Variants in OPCML observed in about 807,000 individuals in gnomAD.
OPCML encodes the protein opioid-binding protein/cell adhesion molecule.
In OPCML, 13 loss-of-function variants were observed where a neutral mutation model predicts 37.8. The observed-to-expected ratio is 0.34, with a 90% confidence interval of 0.22 to 0.55. The LOEUF is 0.55. Ranked by LOEUF, OPCML falls within the 20% of genes least tolerant of loss-of-function variation. The probability of loss-of-function intolerance (pLI) is 0.91; values close to 1 mark genes in which losing one functional copy is unlikely to be tolerated. For synonymous variants in OPCML, 176 were observed against 168.8 expected, an observed-to-expected ratio of 1.04 and a Z score of -0.33; for missense variants, 341 against 435.6, an observed-to-expected ratio of 0.78 and a Z score of 1.93.
intron 3 of OPCML, among the ~76,000 whole-genome samples, chr11:132,644,848 G>A (rs1451888293): frequency 1.3e-5 from 2 of 152,244 alleles, no homozygotes; most frequent in Non-Finnish European, 2.9e-5. Context: ...CTTGCCAGGA[G>A]GGAGGGCTTG....
chr11:133,026,211 G>A (rs566820264), intron 1 of OPCML: 41 of 691,112 alleles, frequency 5.9e-5, no homozygotes, highest in African/African-American at 3.9e-4. Context: ...TAAAGCTTTC[G>A]AGCCAGGTTA....
chr11:132,593,431 A>G (rs1252691247), intron 3 of OPCML, among the ~76,000 whole-genome samples: 2 of 152,238 alleles, frequency 1.3e-5, no homozygotes, highest in African/African-American at 2.4e-5. Context: ...AGGAGCGTCC[A>G]TTGTATTCCA....
At chr11:132,615,787 A>G (rs1051598590) in intron 3 of OPCML, among the ~76,000 whole-genome samples, 2 of 152,204 alleles carry the variant, frequency 1.3e-5, no homozygotes. Context: ...GCAGGAACTC[A>G]ATGAATGTAA....
chr11:132,518,830 G>C (rs1026181649), intron 4 of OPCML, among the ~76,000 whole-genome samples: 3 of 152,158 alleles, frequency 2.0e-5, no homozygotes, highest in African/African-American at 7.2e-5. Context: ...TGTTGCTAAA[G>C]GGAAAGCAAA....
At chr11:132,916,587 A>G (rs1281281772) in intron 2 of OPCML, among the ~76,000 whole-genome samples, 1 of 152,228 alleles carries the variant, frequency 6.6e-6, no homozygotes, top group Non-Finnish European at 1.5e-5. Context: ...CCATGAGGAT[A>G]TGAAAACTTG....
chr11:132,795,370 T>C (rs1591621860), intron 2 of OPCML, among the ~76,000 whole-genome samples: 1 of 152,342 alleles, frequency 6.6e-6, no homozygotes, highest in East Asian at 1.9e-4. Context: ...AAATACCATA[T>C]AATTTACCCA....
chr11:132,946,071 T>C (rs778235512), intron 1 of OPCML, among the ~76,000 whole-genome samples: 2 of 152,198 alleles, frequency 1.3e-5, no homozygotes, highest in Non-Finnish European at 2.9e-5. Flanking sequence ...TGTGAGCCAC[T>C]GCGCCCGGCC....
intron 1 of OPCML, among the ~76,000 whole-genome samples, chr11:133,080,761 T>C (rs1410030039): frequency 6.6e-6 from 1 of 152,192 alleles, no homozygotes. Flanking sequence ...AGGAGCTCAA[T>C]GGTTTTTATT....
intron 2 of OPCML, among the ~76,000 whole-genome samples, chr11:132,770,382 G>A (rs568324200): frequency 6.6e-6 from 1 of 152,200 alleles, no homozygotes; most frequent in African/African-American, 2.4e-5. Context: ...GGACAGAGGG[G>A]AGGAAGGGAG....
rs546594187 is a variant in OPCML, at chr11:132,698,222, C to G, written c.147-40903G>C. Reference sequence around the variant, plus strand: ...TTTAATTTTTTGAGGAACTTCCATACTGTTTCCACAATGGCTATACCAATT... The same window carrying G: ...TTTAATTTTTTGAGGAACTTCCATAGTGTTTCCACAATGGCTATACCAATT... On this transcript the variant is annotated intron_variant, in intron 2 of 7. Transcript: ENST00000524381. Among the ~76,000 whole-genome samples, 6 of 152,112 alleles carry G rather than the reference C, an allele frequency of 3.9e-5. No homozygotes were observed. In the South Asian group the frequency reaches 1.2e-3, roughly 32 times the overall value.
intron 1 of OPCML, among the ~76,000 whole-genome samples, chr11:133,389,847 A>G (rs1024832434): frequency 6.6e-6 from 1 of 152,196 alleles, no homozygotes; most frequent in Non-Finnish European, 1.5e-5. Context: ...TACAATAATA[A>G]CTACTACTAA....
chr11:132,947,942 G>A (rs187823921), intron 1 of OPCML, among the ~76,000 whole-genome samples: 2 of 152,290 alleles, frequency 1.3e-5, no homozygotes, highest in East Asian at 3.9e-4. Context: ...GCTCCAGTGA[G>A]CATTTCCTTT....
chr11:132,997,928 GT>G (rs1946917205), intron 1 of OPCML, among the ~76,000 whole-genome samples: 2 of 152,128 alleles, frequency 1.3e-5, no homozygotes, highest in Admixed American at 1.3e-4. Flanking sequence ...TAACTCGTTG[GT>G]TTTAGCCCTC....
chr11:133,500,695 C>A (rs1947892432), intron 1 of OPCML, among the ~76,000 whole-genome samples: 1 of 152,192 alleles, frequency 6.6e-6, no homozygotes. Flanking sequence ...TGCATCTAGC[C>A]AATTTCTGCT....
intron 1 of OPCML, among the ~76,000 whole-genome samples, chr11:133,388,848 T>C (rs1234039185): frequency 6.6e-6 from 1 of 152,218 alleles, no homozygotes; most frequent in African/African-American, 2.4e-5. Flanking sequence ...AAAAAGATAT[T>C]ACAAATTAAA....
At position 132,863,534 on chromosome 11, in the gene OPCML, C is replaced by A. The variant is rs559019689; in HGVS notation, c.146+79392G>T. On this transcript the variant is annotated intron_variant, in intron 2 of 7. Coordinates refer to ENST00000524381, the MANE Select transcript of OPCML (RefSeq NM_001012393.5). ...AGCCCTCCTGTCTCTCAGTCTTAAC[C>A]TCCCCTGAGGCTGGCGGCAGAATCC... is the stretch of plus-strand genomic sequence containing the variant. Among the ~76,000 whole-genome samples, 24 of 148,122 alleles carry A rather than the reference C, an allele frequency of 1.6e-4. No individual in the cohort carries two copies. In the South Asian group the frequency reaches 5.1e-3, roughly 32 times the overall value.
At chr11:132,986,241 T>A (rs1351774793) in intron 1 of OPCML, among the ~76,000 whole-genome samples, 2 of 152,216 alleles carry the variant, frequency 1.3e-5, no homozygotes, top group Non-Finnish European at 2.9e-5. Flanking sequence ...TACTCATCTA[T>A]CACTCTGACT....
intron 1 of OPCML, among the ~76,000 whole-genome samples, chr11:133,207,119 TAAAAAAAAA>T (rs71038525): frequency 1.0e-5 from 1 of 99,686 alleles, no homozygotes; most frequent in African/African-American, 4.0e-5. Flanking sequence ...AACCCTCTAC[TAAAAAAAAA>T]AAAAAAAAAA....
intron 1 of OPCML, among the ~76,000 whole-genome samples, chr11:133,440,762 T>TTATATATATA (rs58808691): frequency 2.9e-4 from 37 of 126,940 alleles, no homozygotes; most frequent in African/African-American, 1.3e-3. Context: ...CCTACAGCAA[T>TTATATATATA]TATATATATA....
Sources: allele counts gnomAD v4.1 joint callset (sites outside exome capture counted in the v4.1 genomes callset), GRCh38; gene constraint gnomAD v4.1.1; transcripts MANE v1.5; gene names NCBI Gene and HGNC (gene_info 2026-07-23, HGNC 2026-07-21).